The following ATP2B2 variants were observed in gnomAD, a reference collection of about 807,000 sequenced individuals.
The protein encoded by ATP2B2 is plasma membrane calcium-transporting ATPase 2.
Under a neutral mutation model 120.0 loss-of-function variants are expected in ATP2B2, and 15 were observed. That is an observed-to-expected ratio of 0.12 (90% CI 0.08 to 0.19). The LOEUF (loss-of-function observed/expected upper bound fraction) is 0.19, where lower values mean the gene tolerates loss of function less well. Ranked by LOEUF, ATP2B2 falls within the 10% of genes least tolerant of loss-of-function variation. ATP2B2 has a pLI of 1.00. For missense variants in ATP2B2, 1,045 were observed against 1,719.8 expected, an observed-to-expected ratio of 0.61 and a Z score of 6.94; for synonymous variants, 694 against 700.3, an observed-to-expected ratio of 0.99 and a Z score of 0.14.
chr3:10,433,803 C>A (rs987420731), intron 2 of ATP2B2, among the ~76,000 whole-genome samples: 2 of 152,198 alleles, frequency 1.3e-5, no homozygotes, highest in African/African-American at 4.8e-5. Context: ...CACAAGGAAG[C>A]CTGTCTTGAT....
chr3:10,512,217 T>C (rs1452001592), intron 3 of ATP2B2, among the ~76,000 whole-genome samples: 1 of 151,940 alleles, frequency 6.6e-6, no homozygotes, highest in Non-Finnish European at 1.5e-5. Flanking sequence ...CTGAAGAGGG[T>C]TGGGGACCCA....
intron 3 of ATP2B2, among the ~76,000 whole-genome samples, chr3:10,410,351 C>A (rs556347437): frequency 5.3e-5 from 8 of 152,342 alleles, no homozygotes; most frequent in Middle Eastern, 3.4e-3. Context: ...CAGCCCAGGG[C>A]TTAGCACACT....
chr3:10,328,789 G>T lies in ATP2B2; in HGVS notation c.*25C>A, dbSNP rs779431985. On this transcript the variant is annotated 3_prime_UTR_variant, in exon 23 of 23. Coordinates refer to ENST00000360273, the MANE Select transcript of ATP2B2 (RefSeq NM_001001331.4). The stretch of plus-strand genomic sequence containing the variant: ...GGTGGCAGCGGGGTCCATGAGGGCG[G>T]GCGGGCAGGCGAGAGGGTCCTCAGC... The T allele has an allele frequency of 1.3e-6, 2 of 1,585,328 alleles. No homozygotes were observed. Among genetic ancestry groups the T allele is most frequent in the Non-Finnish European group, 1.7e-6 (2 of 1,162,022 alleles).
rs1263471322 is a variant in ATP2B2 at position 10,342,732 on chromosome 3, T to G, written c.2917+20A>C. 2 of 1,613,136 alleles carry G rather than the reference T, an allele frequency of 1.2e-6. No homozygotes were observed. Among genetic ancestry groups the G allele is most frequent in the Admixed American group, 3.3e-5 (2 of 59,980 alleles). On this transcript the variant is annotated intron_variant, in intron 19 of 22. Coordinates refer to ENST00000360273, the MANE Select transcript of ATP2B2 (RefSeq NM_001001331.4). The surrounding 1 kb of genome is among the most constrained non-coding windows in gnomAD (Gnocchi z 4.4). ...GTGATGACCCCGCCTGGGAGAGGCG[T>G]GGGTGGGCGAGGCGCTCACCAACAA...
intron 1 of ATP2B2, among the ~76,000 whole-genome samples, chr3:10,491,557 C>A (rs894962820): frequency 2.0e-5 from 3 of 152,224 alleles, no homozygotes; most frequent in African/African-American, 7.2e-5. Flanking sequence ...GGGCCCATAG[C>A]GGGTATCCTA....
chr3:10,471,318 G>A lies in ATP2B2; in HGVS notation c.-319-21456C>T, dbSNP rs1018455381. 7.9e-5 allele frequency among the ~76,000 whole-genome samples: 12 copies of A among 152,020 alleles called. No individual in the cohort carries two copies. In the South Asian group the frequency reaches 8.3e-4, roughly 10 times the overall value. On this transcript the variant is annotated intron_variant, in intron 1 of 22. Coordinates refer to ENST00000360273, the MANE Select transcript of ATP2B2 (RefSeq NM_001001331.4). Reference sequence around the variant, plus strand: ...CCCTCTTCCCTGTGTTCCAGGCCACGGGAGTCTACAGCTTGGACTTTGGTT... The same window carrying A: ...CCCTCTTCCCTGTGTTCCAGGCCACAGGAGTCTACAGCTTGGACTTTGGTT...
chr3:10,645,756 T>A (rs2070305670), intron 1 of ATP2B2, among the ~76,000 whole-genome samples: 1 of 152,172 alleles, frequency 6.6e-6, no homozygotes, highest in Admixed American at 6.5e-5. Flanking sequence ...AAGGTCCCAA[T>A]TTCTTCATCT....
At chr3:10,446,692 T>TGTG (rs2063848457) in intron 2 of ATP2B2, among the ~76,000 whole-genome samples, 1 of 152,132 alleles carries the variant, frequency 6.6e-6, no homozygotes, top group African/African-American at 2.4e-5. Context: ...TAGGGACCAA[T>TGTG]GTGGCAGGAG....
chr3:10,333,384 C>T (rs1400224643), intron 22 of ATP2B2, among the ~76,000 whole-genome samples: 1 of 152,086 alleles, frequency 6.6e-6, no homozygotes, highest in Non-Finnish European at 1.5e-5. Flanking sequence ...CAAATTGGGG[C>T]CCTTCTGTCA....
At chr3:10,454,163 G>A (rs1222971292) in intron 1 of ATP2B2, among the ~76,000 whole-genome samples, 1 of 152,200 alleles carries the variant, frequency 6.6e-6, no homozygotes, top group Non-Finnish European at 1.5e-5. Flanking sequence ...CGAGCCCACA[G>A]TGAAGAAGAG....
At chr3:10,643,887 A>G (rs1315078451) in intron 1 of ATP2B2, among the ~76,000 whole-genome samples, 1 of 152,196 alleles carries the variant, frequency 6.6e-6, no homozygotes, top group African/African-American at 2.4e-5. Context: ...TACATCAGAC[A>G]CCCAAAGCAA....
chr3:10,637,765 T>G (rs889539806), intron 1 of ATP2B2, among the ~76,000 whole-genome samples: 1 of 151,960 alleles, frequency 6.6e-6, no homozygotes, highest in African/African-American at 2.4e-5. Context: ...CCAAATTTGA[T>G]AAGAACTATA....
At chr3:10,527,033 G>A (rs967297412) in intron 3 of ATP2B2, among the ~76,000 whole-genome samples, 2 of 152,216 alleles carry the variant, frequency 1.3e-5, no homozygotes, top group African/African-American at 4.8e-5. Flanking sequence ...TCGAGAGCGT[G>A]TGTAAGCCTT....
At chr3:10,511,196 C>A (rs1245228498) in intron 3 of ATP2B2, among the ~76,000 whole-genome samples, 2 of 152,212 alleles carry the variant, frequency 1.3e-5, no homozygotes, top group Non-Finnish European at 2.9e-5. Context: ...GCCTGGAGAA[C>A]TCCTACTGAT....
chr3:10,576,173 C>T (rs913160599), intron 2 of ATP2B2, among the ~76,000 whole-genome samples: 9 of 152,224 alleles, frequency 5.9e-5, no homozygotes, highest in African/African-American at 1.7e-4. Context: ...TGCCTTAGCC[C>T]CTGTGCTGAC....
At chr3:10,627,166 G>T (rs1390591171) in intron 1 of ATP2B2, among the ~76,000 whole-genome samples, 1 of 152,208 alleles carries the variant, frequency 6.6e-6, no homozygotes, top group East Asian at 1.9e-4. Context: ...CCACAGTGTG[G>T]ATGGCAGGTT....
chr3:10,332,222 C>T (rs2060000244), intron 22 of ATP2B2: 1 of 588,740 alleles, frequency 1.7e-6, no homozygotes, highest in Non-Finnish European at 3.1e-6. Context: ...AACTCCTTGC[C>T]CTAGGAGTCG....
intron 2 of ATP2B2, among the ~76,000 whole-genome samples, chr3:10,540,374 T>C (rs995119174): frequency 5.3e-5 from 8 of 152,210 alleles, no homozygotes; most frequent in Non-Finnish European, 1.2e-4. Context: ...ACTGGGTATA[T>C]ACCCAAAGGA....
intron 1 of ATP2B2, among the ~76,000 whole-genome samples, chr3:10,667,063 G>T (rs546239692): frequency 6.6e-6 from 1 of 152,292 alleles, no homozygotes; most frequent in Non-Finnish European, 1.5e-5. Context: ...AGGAGATCCT[G>T]CTTGGCCTCT....
Sources: gnomAD v4.1 joint callset for allele counts (sites outside exome capture counted in the v4.1 genomes callset) on GRCh38, gnomAD v4.1.1 for gene constraint, Gnocchi (gnomAD v3.1) non-coding constraint, MANE v1.5 for transcripts, NCBI Gene and HGNC (gene_info 2026-07-23, HGNC 2026-07-21) for gene names.